Variants in MYBPC1 observed in about 807,000 individuals in gnomAD.
MYBPC1 encodes the protein myosin binding protein C1, also known as myosin-binding protein C, slow-type.
MYBPC1 carries 52 observed loss-of-function variants against 147.1 expected under a neutral mutation model. The ratio of observed to expected loss-of-function variants is 0.35; its 90% CI spans 0.28 to 0.45. The LOEUF (loss-of-function observed/expected upper bound fraction) is 0.45. Ranked by LOEUF, MYBPC1 falls within the 20% of genes least tolerant of loss-of-function variation. MYBPC1 has a pLI of 1.00. For synonymous variants in MYBPC1, 477 were observed against 475.9 expected (o/e 1.00, Z -0.03); for missense variants, 1,228 against 1,440.3 (o/e 0.85, Z 2.39).
intron 28 of MYBPC1, 26 bp downstream of exon 28, chr12:101,678,264 T>C (rs1267480719): frequency 6.2e-7 from 1 of 1,612,298 alleles, no homozygotes; most frequent in Non-Finnish European, 8.5e-7. Flanking sequence ...ATCACATCAG[T>C]TAAAGTCCCT....
At chr12:101,687,726 G>A (rs1951372982), downstream of MYBPC1, among the ~76,000 whole-genome samples, 1 of 152,200 alleles carries the variant, frequency 6.6e-6, no homozygotes, top group Non-Finnish European at 1.5e-5. Flanking sequence ...TGCAGCAGCC[G>A]AGCTGGCTGC....
intron 6 of MYBPC1, 42 bp from the exon 7 acceptor site, chr12:101,631,529 C>A (rs375628182): frequency 8.7e-6 from 14 of 1,606,846 alleles, no homozygotes; most frequent in Non-Finnish European, 1.2e-5. Context: ...AAACAAATGA[C>A]GCTTGTTAAA....
At chr12:101,674,288 T>C (rs1301488639) in intron 25 of MYBPC1, among the ~76,000 whole-genome samples, 2 of 152,206 alleles carry the variant, frequency 1.3e-5, no homozygotes, top group Non-Finnish European at 2.9e-5. Context: ...GTATAGATTC[T>C]AGCTATAGTT....
intron 22 of MYBPC1, among the ~76,000 whole-genome samples, chr12:101,663,883 T>A (rs528284823): frequency 6.6e-6 from 1 of 152,272 alleles, no homozygotes; most frequent in East Asian, 1.9e-4. Context: ...CACAGCAATA[T>A]AAAAGTCTAG....
At position 101,673,905 on chromosome 12, in the gene MYBPC1, T is replaced by G. The variant is rs113837156; in HGVS notation, c.2809+283T>G. On this transcript the variant is annotated intron_variant, in intron 25 of 31. Transcript: ENST00000361466. ...CCGTCTCTACTAAAAATACAAAAAG[T>G]AGCTGGGCATGGTGGCGTGCACCTG... 0.011 allele frequency among the ~76,000 whole-genome samples: 1,685 copies of G among 152,116 alleles called. 19 individuals are homozygous for G. The highest frequency in any genetic ancestry group is 0.038 in the African/African-American group (1,568 of 41,484).
At chr12:101,684,616 C>T (rs1453483501) in intron 31 of MYBPC1, among the ~76,000 whole-genome samples, 192 bp downstream of exon 31, 4 of 152,168 alleles carry the variant, frequency 2.6e-5, no homozygotes, top group African/African-American at 9.6e-5. Context: ...TCACAGCAGT[C>T]TCCTACTGAC....
chr12:101,680,306 T>TA (rs1566016820), intron 28 of MYBPC1, 37 bp from the exon 29 acceptor site: 3 of 1,588,900 alleles, frequency 1.9e-6, no homozygotes, highest in Non-Finnish European at 2.6e-6. Context: ...CAATTACAGA[T>TA]ATGTTTTGAC....
intron 6 of MYBPC1, 89 bp downstream of exon 6, chr12:101,629,633 G>GATTAC: frequency 1.1e-6 from 1 of 899,414 alleles, no homozygotes; most frequent in African/African-American, 1.7e-5. Context: ...AGCACTCTGG[G>GATTAC]AGGTCCAGAC....
chr12:101,599,660 A>G (rs201351093), intron 1 of MYBPC1, among the ~76,000 whole-genome samples: 1 of 152,190 alleles, frequency 6.6e-6, no homozygotes, highest in Admixed American at 6.5e-5. Context: ...GGAAAGGTTA[A>G]TAATTTATGC....
intron 22 of MYBPC1, chr12:101,666,717 A>G (rs201105207): frequency 1.1e-5 from 17 of 1,604,238 alleles, no homozygotes; most frequent in Admixed American, 1.7e-5. Context: ...GGTGTCTTTA[A>G]TTAATTTTAA....
intron 1 of MYBPC1, among the ~76,000 whole-genome samples, chr12:101,600,939 A>G (rs971037297): frequency 2.6e-5 from 4 of 152,182 alleles, no homozygotes; most frequent in Admixed American, 6.5e-5. Context: ...CTTCTTTGTT[A>G]TTATTCCATG....
chr12:101,599,052 C>T (rs367896606), intron 1 of MYBPC1, among the ~76,000 whole-genome samples: 42 of 152,132 alleles, frequency 2.8e-4, no homozygotes, highest in African/African-American at 7.5e-4. Flanking sequence ...GTGTGTCATT[C>T]GAAAAATCTC....
intron 20 of MYBPC1, 146 bp downstream of exon 20, chr12:101,661,408 G>T: frequency 1.6e-6 from 1 of 641,306 alleles, no homozygotes; most frequent in South Asian, 1.6e-5. Context: ...AAATATATAT[G>T]TTGAGATGCT....
chr12:101,661,010 A>G (rs758883125), intron 19 of MYBPC1, 148 bp from the exon 20 acceptor site: 3 of 584,030 alleles, frequency 5.1e-6, no homozygotes, highest in Non-Finnish European at 9.2e-6. Context: ...CAGCCAAACC[A>G]TATCATAAGC....
At chr12:101,638,185 T>C (rs965640633) in intron 10 of MYBPC1, among the ~76,000 whole-genome samples, 2 of 152,196 alleles carry the variant, frequency 1.3e-5, no homozygotes, top group African/African-American at 4.8e-5. Flanking sequence ...ATTGACACTT[T>C]AGGAAGACAA....
At chr12:101,629,195 C>T (rs1470244138) in intron 5 of MYBPC1, 11 of 503,466 alleles carry the variant, frequency 2.2e-5, no homozygotes, top group South Asian at 1.2e-4. Context: ...GAAAGTTCCA[C>T]TATTTCTAAG....
chr12:101,632,254 G>A, intron 8 of MYBPC1, 116 bp downstream of exon 8: 1 of 796,008 alleles, frequency 1.3e-6, no homozygotes, highest in South Asian at 1.4e-5. Context: ...CTTTAAAACT[G>A]TTTCTGATTG....
In MYBPC1 at chr12:101,651,703, C is replaced by T. The variant is rs190413831; in HGVS notation, c.1526+310C>T. On this transcript the variant is annotated intron_variant, in intron 16 of 31. Transcript: ENST00000361466. Reference sequence around the variant, plus strand: ...TGCCTGTAATCCCAACACTTTGGGACGCCAAGGCAGACGGATCAATTGAGC... The same window carrying T: ...TGCCTGTAATCCCAACACTTTGGGATGCCAAGGCAGACGGATCAATTGAGC... Among the ~76,000 whole-genome samples, 258 of 152,208 alleles carry T rather than the reference C, an allele frequency of 1.7e-3. 5 individuals carry two copies. Among genetic ancestry groups the T allele is most frequent in the Admixed American group, 0.015 (229 of 15,274 alleles).
intron 3 of MYBPC1, among the ~76,000 whole-genome samples, chr12:101,620,599 A>G (rs1302235015): frequency 6.6e-6 from 1 of 152,120 alleles, no homozygotes; most frequent in Non-Finnish European, 1.5e-5. Flanking sequence ...TTTTTTGTCA[A>G]CTAAGATCCA....
Sources: allele counts gnomAD v4.1 joint callset (sites outside exome capture counted in the v4.1 genomes callset), GRCh38; gene constraint gnomAD v4.1.1; transcripts MANE v1.5; gene names NCBI Gene and HGNC (gene_info 2026-07-23, HGNC 2026-07-21).